DLG2: variants seen among roughly 807,000 people sequenced by gnomAD.
DLG2 encodes disks large homolog 2.
A neutral mutation model predicts 132.5 loss-of-function variants in DLG2; 45 were observed. That is an observed-to-expected ratio of 0.34 (90% CI 0.27 to 0.44). The LOEUF is 0.44. DLG2 is among the 20% of genes least tolerant of loss of function. DLG2 has a pLI of 1.00. For missense variants in DLG2, 1,045 were observed against 1,196.9 expected (o/e 0.87, Z 1.87); for synonymous variants, 424 against 419.6 (o/e 1.01, Z -0.13).
At chr11:84,840,258 A>G (rs1373078389) in intron 6 of DLG2, among the ~76,000 whole-genome samples, 1 of 152,196 alleles carries the variant, frequency 6.6e-6, no homozygotes, top group Non-Finnish European at 1.5e-5. Context: ...ATTACTGGCC[A>G]TCAGAGAAAT....
chr11:83,884,761 C>G (rs555538306), intron 15 of DLG2, among the ~76,000 whole-genome samples: 73 of 152,286 alleles, frequency 4.8e-4, no homozygotes, highest in Non-Finnish European at 9.3e-4. Flanking sequence ...TCCAGAGGAA[C>G]GATCAGACAT....
intron 6 of DLG2, among the ~76,000 whole-genome samples, chr11:84,764,916 T>C (rs2068189830): frequency 6.6e-6 from 1 of 152,018 alleles, no homozygotes; most frequent in Admixed American, 6.6e-5. Context: ...ATGTGTGTAA[T>C]GCTAAGCAGC....
intron 3 of DLG2, among the ~76,000 whole-genome samples, chr11:85,435,569 C>A (rs764700105): frequency 6.6e-6 from 1 of 152,016 alleles, no homozygotes; most frequent in Non-Finnish European, 1.5e-5. Context: ...ACAGTTGCCA[C>A]AAAGAGAATA....
chr11:84,696,821 T>C lies in DLG2; in HGVS notation c.358-162090A>G, dbSNP rs527887008. Among the ~76,000 whole-genome samples the C allele has an allele frequency of 3.4e-4, 52 of 151,598 alleles. No homozygotes were observed. In the South Asian group the frequency reaches 0.011, roughly 31 times the overall value. The stretch of plus-strand genomic sequence containing the variant: ...CCTAAATTTGAGACCTCTTACCAAA[T>C]GTCACATTGGTAAGTAAATCTGTAA... On this transcript the variant is annotated intron_variant, in intron 6 of 27. Transcript: ENST00000376104.
At chr11:83,602,303 T>G (rs2058686695) in intron 19 of DLG2, among the ~76,000 whole-genome samples, 1 of 152,260 alleles carries the variant, frequency 6.6e-6, no homozygotes, top group African/African-American at 2.4e-5. Context: ...CACAACACTT[T>G]GCAAAATGCA....
chr11:84,667,503 T>TTG (rs200211353), intron 6 of DLG2, among the ~76,000 whole-genome samples: 8 of 115,516 alleles, frequency 6.9e-5, no homozygotes, highest in South Asian at 2.8e-4. Flanking sequence ...TTTTTGTTTT[T>TTG]TTTTTTTTTT....
At chr11:83,984,300 T>C (rs761573081) in intron 11 of DLG2, among the ~76,000 whole-genome samples, 1 of 151,674 alleles carries the variant, frequency 6.6e-6, no homozygotes, top group African/African-American at 2.4e-5. Flanking sequence ...AGTGACTCTA[T>C]TCAAGGTGAA....
intron 3 of DLG2, among the ~76,000 whole-genome samples, chr11:85,499,776 G>A (rs2093753651): frequency 6.6e-6 from 1 of 152,168 alleles, no homozygotes; most frequent in Non-Finnish European, 1.5e-5. Flanking sequence ...TCCCTGGGGT[G>A]AAAGGCTAGT....
intron 10 of DLG2, among the ~76,000 whole-genome samples, chr11:84,083,167 C>T (rs1282765183): frequency 1.3e-5 from 2 of 152,118 alleles, no homozygotes; most frequent in Non-Finnish European, 2.9e-5. Flanking sequence ...GTAATCCCAG[C>T]TACTCGGGAG....
At chr11:84,738,287 T>C (rs989930773) in intron 6 of DLG2, among the ~76,000 whole-genome samples, 6 of 152,054 alleles carry the variant, frequency 3.9e-5, no homozygotes, top group African/African-American at 1.4e-4. Flanking sequence ...AGCTACTCTG[T>C]TGATTCTGCT....
chr11:84,965,899 A>G (rs1229130706), intron 6 of DLG2, among the ~76,000 whole-genome samples: 1 of 152,142 alleles, frequency 6.6e-6, no homozygotes, highest in Non-Finnish European at 1.5e-5. Context: ...AACCTGGCCC[A>G]GGAAAGATAC....
intron 6 of DLG2, among the ~76,000 whole-genome samples, chr11:84,804,609 G>T (rs940130965): frequency 1.3e-5 from 2 of 152,130 alleles, no homozygotes; most frequent in African/African-American, 4.8e-5. Flanking sequence ...AGCTGAACAA[G>T]CCCAAAACTC....
chr11:84,814,554 T>C (rs941231421), intron 6 of DLG2, among the ~76,000 whole-genome samples: 3 of 151,914 alleles, frequency 2.0e-5, no homozygotes, highest in Non-Finnish European at 2.9e-5. Context: ...CTGTTACCAC[T>C]CCCTCCCTCC....
At chr11:85,189,280 T>C (rs775591677) in intron 4 of DLG2, among the ~76,000 whole-genome samples, 21 of 152,078 alleles carry the variant, frequency 1.4e-4, no homozygotes, top group Non-Finnish European at 2.4e-4. Flanking sequence ...CAAAATAAAG[T>C]CATTCCCAGA....
intron 6 of DLG2, among the ~76,000 whole-genome samples, chr11:85,054,494 A>T (rs1400219833): frequency 6.6e-6 from 1 of 152,186 alleles, no homozygotes; most frequent in Non-Finnish European, 1.5e-5. Flanking sequence ...CACAACTACC[A>T]TTTAACCCAG....
intron 10 of DLG2, among the ~76,000 whole-genome samples, chr11:84,075,666 G>A (rs2096820727): frequency 6.6e-6 from 1 of 152,094 alleles, no homozygotes; most frequent in African/African-American, 2.4e-5. Context: ...GCCTGGAGGT[G>A]CTAATTTTCT....
At chr11:83,972,610 G>A (rs1191682459) in intron 12 of DLG2, among the ~76,000 whole-genome samples, 1 of 152,042 alleles carries the variant, frequency 6.6e-6, no homozygotes, top group East Asian at 1.9e-4. Flanking sequence ...ATAAATAGTT[G>A]GCACTTAATA....
chr11:83,898,879 GA>G (rs2072582972), intron 15 of DLG2, among the ~76,000 whole-genome samples: 2 of 151,972 alleles, frequency 1.3e-5, no homozygotes, highest in African/African-American at 4.8e-5. Flanking sequence ...GTATAATTCA[GA>G]AAAAATATGA....
intron 7 of DLG2, among the ~76,000 whole-genome samples, chr11:84,338,594 G>GCGGGAGTATCACGAAGT (rs1468567987): frequency 6.6e-6 from 1 of 152,106 alleles, no homozygotes; most frequent in Non-Finnish European, 1.5e-5. Flanking sequence ...GGAGGCCAAG[G>GCGGGAGTATCACGAAGT]CGGGAGTATC....
Sources: gnomAD v4.1 joint callset for allele counts (sites outside exome capture counted in the v4.1 genomes callset) on GRCh38, gnomAD v4.1.1 for gene constraint, MANE v1.5 for transcripts, NCBI Gene and HGNC (gene_info 2026-07-23, HGNC 2026-07-21) for gene names.